ZNF273: variants seen among roughly 807,000 people sequenced by gnomAD.
The protein encoded by ZNF273 is zinc finger protein 273, also known as zinc finger protein 9.
Under a neutral mutation model 14.9 loss-of-function variants are expected in ZNF273, and 11 were observed. That is an observed-to-expected ratio of 0.74 (90% CI 0.46 to 1.22). The LOEUF (loss-of-function observed/expected upper bound fraction) is 1.22. Ranked by LOEUF, ZNF273 falls within the 50% of genes most tolerant of loss-of-function variation. ZNF273 has a pLI of 0.00. For synonymous variants in ZNF273, 199 were observed against 223.9 expected, an observed-to-expected ratio of 0.89 and a Z score of 0.99; for missense variants, 577 against 660.6, an observed-to-expected ratio of 0.87 and a Z score of 1.39.
At chr7:64,894,775 G>A (rs1277673517), downstream of ZNF273, among the ~76,000 whole-genome samples, 1 of 151,756 alleles carries the variant, frequency 6.6e-6, no homozygotes, top group Admixed American at 6.6e-5. Context: ...TACAGTGATG[G>A]GCATTCACAA....
rs1793294703 is a variant in ZNF273 at position 64,908,918 on chromosome 7, T to C, written c.102+5499T>C. Among the ~76,000 whole-genome samples, 3 of 152,278 alleles carry C rather than the reference T, an allele frequency of 2.0e-5. No individual in the cohort carries two copies. The South Asian group carries it at 6.2e-4, about 32-fold the overall frequency. ...TCATATTTTGTTTTTATTAAATATT[T>C]TGTTTTATTTTGGAGACAGGATATT... On this transcript the variant is annotated intron_variant, in intron 1 of 3. Transcript: ENST00000476120.
downstream of ZNF273, chr7:64,889,814 A>C: frequency 2.1e-6 from 2 of 965,720 alleles, no homozygotes; most frequent in Non-Finnish European, 2.5e-6. This position sits in a 1 kb window ranked among gnomAD's most constrained non-coding sequence, Gnocchi z 4.2. Flanking sequence ...AAAAAACCTG[A>C]GGGTTAAATT....
At chr7:64,933,310 T>C (rs1400172464), downstream of ZNF273, 1 of 152,212 alleles carries the variant, frequency 6.6e-6, no homozygotes, top group African/African-American at 2.4e-5. Context: ...GTTGGTGAAG[T>C]TCAGTCTACA....
At position 64,917,646 on chromosome 7, in the gene ZNF273, T is replaced by C. The variant is rs776882785; in HGVS notation, c.168T>C (p.Thr56=). 1.1e-5 allele frequency: 18 copies of C among 1,600,402 alleles called. No individual in the cohort carries two copies. Among genetic ancestry groups the C allele is most frequent in the Admixed American group, 1.7e-5 (1 of 59,596 alleles). The part of the protein sequence containing the change: ...FSLEEWQCLD[T]SQQNLYRNVM... The stretch of plus-strand genomic sequence containing the variant: ...TGGAGGAGTGGCAATGCCTGGACAC[T>C]TCACAGCAGAATTTGTATAGGAATG... The change falls in exon 2 of 4, where the codon ACT becomes ACC. Residue 56 remains threonine, a synonymous_variant. Transcript: ENST00000476120.
intron 1 of ZNF273, among the ~76,000 whole-genome samples, chr7:64,912,826 G>GTTTTTTGTTTTTTTTTTTT: frequency 2.7e-5 from 1 of 36,568 alleles, no homozygotes; most frequent in African/African-American, 8.2e-5. Flanking sequence ...ATTCATTTTA[G>GTTTTTTGTTTTTTTTTTTT]TTTTTTTTTT....
rs375522744 is a variant in ZNF273, at chr7:64,903,437, C to G, written c.102+18C>G. 6 of 1,602,660 alleles carry G rather than the reference C, an allele frequency of 3.7e-6. No individual in the cohort carries two copies. The African/African-American group carries it at 6.7e-5, about 18-fold the overall frequency. On this transcript the variant is annotated intron_variant, in intron 1 of 3. Transcript: ENST00000476120. ...TAGAAATGGTGAGAGTGCCGGGTCC[C>G]AGATCCCGAGAGAGGGGGAGGGCCT...
At chr7:64,883,607 C>T (rs7788090), downstream of ZNF273, among the ~76,000 whole-genome samples, 12,655 of 152,290 alleles carry the variant, frequency 0.083, 670 homozygotes, top group South Asian at 0.18. Context: ...GCCGTCCACA[C>T]CATGGCCCGG....
At chr7:64,884,663 G>T (rs920229355), downstream of ZNF273, among the ~76,000 whole-genome samples, 1 of 152,106 alleles carries the variant, frequency 6.6e-6, no homozygotes, top group African/African-American at 2.4e-5. Context: ...GGGGTCTCAG[G>T]TATGATTCCA....
chr7:64,925,400 TA>T (rs1207426388), intron 3 of ZNF273, among the ~76,000 whole-genome samples: 1 of 151,922 alleles, frequency 6.6e-6, no homozygotes, highest in Non-Finnish European at 1.5e-5. Context: ...TTTAACCTGG[TA>T]AAAAAAATTA....
At chr7:64,887,745 G>A (rs767826959) in intron 1 of ZNF273, among the ~76,000 whole-genome samples, 6 of 151,618 alleles carry the variant, frequency 4.0e-5, no homozygotes, top group African/African-American at 9.7e-5. Flanking sequence ...TGATCTGCCC[G>A]CCTCGACCTC....
rs1365354905 is a variant in ZNF273, at chr7:64,911,523, G to A, written c.103-6058G>A. Among the ~76,000 whole-genome samples, 9 of 151,906 alleles carry A rather than the reference G, an allele frequency of 5.9e-5. No individual in the cohort carries two copies. In the East Asian group the frequency reaches 9.7e-4, roughly 16 times the overall value. ...GGTGATCCACCCGCCTTAGCCTCCC[G>A]AAGTGCTGGGATTACAGGTGTGAGC... is the stretch of plus-strand genomic sequence containing the variant. On this transcript the variant is annotated intron_variant, in intron 1 of 3. Transcript: ENST00000476120.
chr7:64,882,371 C>T (rs1362469721), downstream of ZNF273: 1 of 152,098 alleles, frequency 6.6e-6, no homozygotes, highest in Non-Finnish European at 1.5e-5. Flanking sequence ...CTTTTATAGT[C>T]CCGCAATGGT....
intron 3 of ZNF273, chr7:64,924,155 T>A (rs1249721498): frequency 6.6e-6 from 1 of 152,226 alleles, no homozygotes; most frequent in Non-Finnish European, 1.5e-5. Flanking sequence ...CTTTTAATAT[T>A]GTTTTATATT....
chr7:64,903,710 C>G (rs1041788943), intron 1 of ZNF273, among the ~76,000 whole-genome samples: 2 of 152,184 alleles, frequency 1.3e-5, no homozygotes, highest in African/African-American at 4.8e-5. Context: ...CTCGATGACT[C>G]GGGATGCAGG....
At chr7:64,917,765 T>G (rs1794117276) in intron 2 of ZNF273, 58 bp downstream of exon 2, 2 of 1,494,072 alleles carry the variant, frequency 1.3e-6, no homozygotes, top group East Asian at 2.5e-5. Context: ...TGTAGAATGT[T>G]TTTTGGAAAT....
chr7:64,919,053 T>G (rs1216987895), intron 3 of ZNF273, among the ~76,000 whole-genome samples: 3 of 152,194 alleles, frequency 2.0e-5, no homozygotes. Context: ...TTTAATCCTG[T>G]TTTTGTTACT....
intron 3 of ZNF273, among the ~76,000 whole-genome samples, chr7:64,927,357 G>C (rs1282205497): frequency 1.3e-5 from 2 of 152,080 alleles, no homozygotes; most frequent in Non-Finnish European, 2.9e-5. Flanking sequence ...CAAAATGCTG[G>C]GATTACAGGC....
chr7:64,893,004 A>AGGTAGCCCTTT (rs899659687), downstream of ZNF273, among the ~76,000 whole-genome samples: 10 of 152,226 alleles, frequency 6.6e-5, no homozygotes, highest in African/African-American at 2.4e-4. Context: ...CCTGGCCCAC[A>AGGTAGCCCTTT]GGTAGCCCTT....
chr7:64,878,673 C>T (rs6965861), intron 2 of ZNF273, among the ~76,000 whole-genome samples: 69,032 of 152,056 alleles, frequency 0.45, 15,867 homozygotes, highest in Middle Eastern at 0.5. Flanking sequence ...TGGGGAACCA[C>T]TGGAGCCCAA....
Sources: allele counts gnomAD v4.1 joint callset (sites outside exome capture counted in the v4.1 genomes callset), GRCh38; gene constraint gnomAD v4.1.1; non-coding constraint Gnocchi (gnomAD v3.1); transcripts MANE v1.5; gene names NCBI Gene and HGNC (gene_info 2026-07-23, HGNC 2026-07-21).